MAGI2: variants seen among roughly 807,000 people sequenced by gnomAD.
MAGI2 encodes the protein membrane-associated guanylate kinase, WW and PDZ domain-containing protein 2.
Under a neutral mutation model 133.3 loss-of-function variants are expected in MAGI2, and 35 were observed. That is an observed-to-expected ratio of 0.26 (90% CI 0.20 to 0.35). The LOEUF (loss-of-function observed/expected upper bound fraction) is 0.35. MAGI2 is among the 10% of genes least tolerant of loss of function. MAGI2 has a pLI of 1.00. For synonymous variants in MAGI2, 729 were observed against 710.6 expected, an observed-to-expected ratio of 1.03 and a Z score of -0.41; for missense variants, 1,636 against 1,863.4, an observed-to-expected ratio of 0.88 and a Z score of 2.25.
chr7:78,666,484 T>G (rs753971209), intron 2 of MAGI2, among the ~76,000 whole-genome samples: 3 of 152,158 alleles, frequency 2.0e-5, no homozygotes, highest in Non-Finnish European at 4.4e-5. Flanking sequence ...CTTTGAAAGT[T>G]GTAGAGAACA....
intron 1 of MAGI2, among the ~76,000 whole-genome samples, chr7:79,152,886 A>G (rs867467311): frequency 3.3e-5 from 5 of 152,192 alleles, no homozygotes; most frequent in Non-Finnish European, 5.9e-5. Flanking sequence ...TTAAGGTATC[A>G]ATTTCAACCT....
intron 9 of MAGI2, among the ~76,000 whole-genome samples, chr7:78,269,830 AG>A (rs1388857080): frequency 6.6e-6 from 1 of 152,188 alleles, no homozygotes; most frequent in Non-Finnish European, 1.5e-5. Context: ...TTAGTCATAA[AG>A]TCTTTGCCCA....
chr7:79,450,450 T>C (rs1343752243), intron 1 of MAGI2, among the ~76,000 whole-genome samples: 1 of 152,144 alleles, frequency 6.6e-6, no homozygotes, highest in African/African-American at 2.4e-5. Flanking sequence ...GAGAATTAAT[T>C]ATTCCACAAA....
intron 20 of MAGI2, among the ~76,000 whole-genome samples, chr7:78,082,702 GT>G (rs879533448): frequency 2.6e-5 from 4 of 152,118 alleles, no homozygotes; most frequent in Admixed American, 2.0e-4. Context: ...GCTGGTGGTG[GT>G]TAGGTAATGG....
intron 2 of MAGI2, among the ~76,000 whole-genome samples, chr7:78,713,811 C>T (rs1278044060): frequency 3.3e-5 from 5 of 152,106 alleles, no homozygotes; most frequent in Non-Finnish European, 7.4e-5. Context: ...ACCATGCATA[C>T]AGAACGTTTT....
intron 1 of MAGI2, among the ~76,000 whole-genome samples, chr7:79,256,872 C>T (rs1292908506): frequency 1.3e-5 from 2 of 152,114 alleles, no homozygotes; most frequent in Non-Finnish European, 2.9e-5. Flanking sequence ...ACTAAATACA[C>T]TCATATGTAC....
intron 1 of MAGI2, among the ~76,000 whole-genome samples, chr7:79,202,919 A>G (rs978173767): frequency 1.3e-5 from 2 of 151,946 alleles, no homozygotes; most frequent in Non-Finnish European, 2.9e-5. Context: ...AAATCCAACC[A>G]TCTACTTGAC....
At chr7:78,904,102 G>A (rs569863066) in intron 2 of MAGI2, 1 of 152,316 alleles carries the variant, frequency 6.6e-6, no homozygotes, top group African/African-American at 2.4e-5. Context: ...AGTGGCTGCA[G>A]CTCCACTACA....
At chr7:79,013,307 A>G (rs967021431) in intron 1 of MAGI2, among the ~76,000 whole-genome samples, 1 of 152,176 alleles carries the variant, frequency 6.6e-6, no homozygotes, top group Admixed American at 6.5e-5. Flanking sequence ...GGAATCTTAC[A>G]TCATCAGTAG....
intron 6 of MAGI2, among the ~76,000 whole-genome samples, chr7:78,471,908 G>C (rs1791242790): frequency 1.3e-5 from 2 of 151,254 alleles, no homozygotes; most frequent in Non-Finnish European, 2.9e-5. Flanking sequence ...CTGGGCAACA[G>C]AGCAAGACTC....
intron 1 of MAGI2, among the ~76,000 whole-genome samples, chr7:79,069,881 T>C (rs1356702351): frequency 2.0e-5 from 3 of 152,196 alleles, no homozygotes; most frequent in African/African-American, 7.2e-5. Context: ...TTTGGATGGA[T>C]ATGTAATTCT....
chr7:79,001,578 T>C (rs927298952), intron 2 of MAGI2, among the ~76,000 whole-genome samples: 24 of 152,168 alleles, frequency 1.6e-4, no homozygotes, highest in Non-Finnish European at 3.1e-4. Context: ...CGTGATTATT[T>C]TTTCCTCATA....
chr7:79,118,000 T>C (rs1268230611), intron 1 of MAGI2, among the ~76,000 whole-genome samples: 1 of 152,180 alleles, frequency 6.6e-6, no homozygotes, highest in Non-Finnish European at 1.5e-5. Flanking sequence ...AAACCTGTTG[T>C]CTCTAAATTT....
chr7:78,291,717 C>T (rs1399349587), intron 9 of MAGI2, among the ~76,000 whole-genome samples: 1 of 152,200 alleles, frequency 6.6e-6, no homozygotes, highest in African/African-American at 2.4e-5. Context: ...AGCAGCACAT[C>T]AAGAAGCTTC....
chr7:78,335,630 C>T (rs1348667093), intron 9 of MAGI2, among the ~76,000 whole-genome samples: 1 of 152,078 alleles, frequency 6.6e-6, no homozygotes, highest in Non-Finnish European at 1.5e-5. Context: ...TGCAAAGTCC[C>T]TAAGTGTCAG....
chr7:78,600,378 TAC>T (rs1185901010), intron 3 of MAGI2, among the ~76,000 whole-genome samples: 2 of 152,214 alleles, frequency 1.3e-5, no homozygotes, highest in East Asian at 1.9e-4. Context: ...AGAGCCTGCA[TAC>T]AGTTAGCAAA....
intron 5 of MAGI2, among the ~76,000 whole-genome samples, chr7:78,492,089 G>T (rs10485902): frequency 0.2 from 30,121 of 151,866 alleles, 4,741 homozygotes; most frequent in African/African-American, 0.44. Context: ...ACATCCATGG[G>T]TAAGTATTAA....
chr7:78,559,205 T>C (rs1346137796), intron 3 of MAGI2, among the ~76,000 whole-genome samples: 1 of 42,244 alleles, frequency 2.4e-5, no homozygotes, highest in Non-Finnish European at 5.0e-5. Flanking sequence ...AGAAAAACAA[T>C]AGTGGGGCTC....
At chr7:79,159,624 C>T (rs1824167986) in intron 1 of MAGI2, among the ~76,000 whole-genome samples, 1 of 151,126 alleles carries the variant, frequency 6.6e-6, no homozygotes. Context: ...TTGGTTTAAA[C>T]AAGATTTTAT....
Sources: gnomAD v4.1 joint callset for allele counts (sites outside exome capture counted in the v4.1 genomes callset) on GRCh38, gnomAD v4.1.1 for gene constraint, MANE v1.5 for transcripts, NCBI Gene and HGNC (gene_info 2026-07-23, HGNC 2026-07-21) for gene names.